The following OVCH1 variants were observed in gnomAD, a reference collection of about 807,000 sequenced individuals.
OVCH1 encodes ovochymase-1.
In OVCH1, 139 loss-of-function variants were observed where a neutral mutation model predicts 138.4. The ratio of observed to expected loss-of-function variants is 1.00; its 90% CI spans 0.87 to 1.16. The LOEUF is 1.16. Ranked by LOEUF, OVCH1 falls within the 50% of genes most tolerant of loss-of-function variation. OVCH1 has a pLI of 0.00. For missense variants in OVCH1, 1,367 were observed against 1,357.9 expected, an observed-to-expected ratio of 1.01 and a Z score of -0.11; for synonymous variants, 453 against 467.8, an observed-to-expected ratio of 0.97 and a Z score of 0.41.
At chr12:29,480,366 A>C (rs1942890790) in intron 8 of OVCH1, among the ~76,000 whole-genome samples, 1 of 152,202 alleles carries the variant, frequency 6.6e-6, no homozygotes, top group South Asian at 2.1e-4. Context: ...TATAAGTGGA[A>C]CTGTAGTTTA....
At chr12:29,402,251 G>A in the OVCH1 span, among the ~76,000 whole-genome samples, 1 of 152,096 alleles carries the variant, frequency 6.6e-6, no homozygotes, top group Non-Finnish European at 1.5e-5. Context: ...AGTAAAAATG[G>A]TACAAAACAG....
chr12:29,478,262 G>A (rs930146500), intron 9 of OVCH1, among the ~76,000 whole-genome samples: 2 of 152,192 alleles, frequency 1.3e-5, no homozygotes, highest in African/African-American at 4.8e-5. Flanking sequence ...ATCAAACAAT[G>A]TAAAGTTCAA....
chr12:29,465,868 C>T (rs1165579849), intron 16 of OVCH1, among the ~76,000 whole-genome samples: 3 of 151,806 alleles, frequency 2.0e-5, no homozygotes, highest in African/African-American at 7.3e-5. Flanking sequence ...CAATGATAGA[C>T]TGGATTAAGA....
chr12:29,447,726 A>G (rs1242190948), intron 22 of OVCH1, among the ~76,000 whole-genome samples: 1 of 152,002 alleles, frequency 6.6e-6, no homozygotes, highest in Admixed American at 6.6e-5. Context: ...GTAAATGAAG[A>G]TGGTTTCATA....
rs141014561 is a variant in OVCH1 at position 29,492,306 on chromosome 12, G to A, written c.455-1114C>T. ...GGGACAGTGGGAGGCCAGGATGACT[G>A]GAGCAGATTAAGTTAGTTTCATAAA... On this transcript the variant is annotated intron_variant, in intron 4 of 27. Coordinates refer to ENST00000318184, the Ensembl canonical transcript of OVCH1. 2.6e-4 allele frequency among the ~76,000 whole-genome samples: 37 copies of A among 143,926 alleles called. No homozygotes were observed. The East Asian group carries it at 6.1e-3, about 24-fold the overall frequency. The allele number at this position is 143,926 out of a possible 152,430, so 94.4% of individuals were successfully genotyped here. A position where few individuals can be genotyped will look rare whatever the true frequency, so the allele number is the denominator to read the frequency against.
At chr12:29,412,058 G>T (rs1158941466), downstream of OVCH1, among the ~76,000 whole-genome samples, 4 of 152,062 alleles carry the variant, frequency 2.6e-5, no homozygotes, top group Non-Finnish European at 4.4e-5. Flanking sequence ...TTTGATCTCA[G>T]ACTGCTGTGC....
At chr12:29,476,798 CACACACACAG>C (rs781274800) in intron 12 of OVCH1, among the ~76,000 whole-genome samples, 4,884 of 58,588 alleles carry the variant, frequency 0.083, 331 homozygotes, top group African/African-American at 0.18. Context: ...CACACACACA[CACACACACAG>C]GTTAGTAAAT....
At chr12:29,453,677 C>G (rs1941861381) in intron 21 of OVCH1, among the ~76,000 whole-genome samples, 1 of 152,094 alleles carries the variant, frequency 6.6e-6, no homozygotes, top group Non-Finnish European at 1.5e-5. Flanking sequence ...CTTACCCATC[C>G]TAAATTCCAA....
At chr12:29,420,842 A>G (rs1941093317) in intron 3 of OVCH1, among the ~76,000 whole-genome samples, 2 of 152,254 alleles carry the variant, frequency 1.3e-5, no homozygotes, top group Non-Finnish European at 2.9e-5. Flanking sequence ...ATGAAAAACT[A>G]TTAGTGGTAT....
rs780718298 is a variant in OVCH1, at chr12:29,475,093, C to T, written c.1568G>A (p.Gly523Asp). 7 of 1,581,600 alleles carry T rather than the reference C, an allele frequency of 4.4e-6. No individual in the cohort carries two copies. In the South Asian group the frequency reaches 6.9e-5, roughly 16 times the overall value. ...CAAAATGGTAAATCTGGCCTTGAAGCCTTGTAAACGATTTTTACCATCACT... is the reference window on the plus strand; with the variant it reads ...CAAAATGGTAAATCTGGCCTTGAAGTCTTGTAAACGATTTTTACCATCACT... Residue 523 changes from glycine (G) to aspartate (D), a missense_variant, in exon 14 of 28, where the codon GGC (glycine) becomes GAC (aspartate). Coordinates refer to ENST00000318184, the Ensembl canonical transcript of OVCH1.
At chr12:29,403,956 G>GT in the OVCH1 span, among the ~76,000 whole-genome samples, 2 of 152,170 alleles carry the variant, frequency 1.3e-5, no homozygotes, top group African/African-American at 2.4e-5. Flanking sequence ...GATTCAAACT[G>GT]TAAGTTCCCA....
chr12:29,473,335 C>T (rs1205471119), intron 14 of OVCH1, among the ~76,000 whole-genome samples: 1 of 152,104 alleles, frequency 6.6e-6, no homozygotes, highest in Non-Finnish European at 1.5e-5. Flanking sequence ...TGATATTAAT[C>T]TCATGGTTTT....
At chr12:29,403,649 T>C in the OVCH1 span, among the ~76,000 whole-genome samples, 1 of 152,124 alleles carries the variant, frequency 6.6e-6, no homozygotes, top group Non-Finnish European at 1.5e-5. Context: ...TTAAATACCT[T>C]ATAAACAAAT....
chr12:29,419,584 G>A (rs1382588158), intron 3 of OVCH1, among the ~76,000 whole-genome samples: 1 of 151,952 alleles, frequency 6.6e-6, no homozygotes, highest in East Asian at 1.9e-4. Context: ...ATGAGCCACT[G>A]CGCCTGGCCA....
intron 16 of OVCH1, among the ~76,000 whole-genome samples, chr12:29,470,495 C>T (rs953131921): frequency 3.3e-5 from 5 of 152,042 alleles, no homozygotes; most frequent in East Asian, 1.9e-4. Context: ...TGTGTTAGTT[C>T]GCTGAGAATG....
intron 15 of OVCH1, among the ~76,000 whole-genome samples, chr12:29,472,558 TTC>T (rs1039806884): frequency 6.6e-6 from 1 of 152,212 alleles, no homozygotes; most frequent in Non-Finnish European, 1.5e-5. Flanking sequence ...AGATATTTTC[TTC>T]TCTAATAGCT....
At chr12:29,487,722 A>G in exon 7 of OVCH1, 1 of 1,601,806 alleles carries the variant, frequency 6.2e-7, no homozygotes, top group Non-Finnish European at 8.5e-7. Flanking sequence ...GATAAAATCC[A>G]TCAACTCAGA....
downstream of OVCH1, chr12:29,427,560 A>C (rs1464674596): frequency 1.9e-6 from 3 of 1,551,232 alleles, no homozygotes; most frequent in Non-Finnish European, 2.6e-6. Context: ...CCCAGTGAGA[A>C]TGGGCTGTGC....
At chr12:29,465,320 A>C in intron 16 of OVCH1, 101 bp from the exon 17 acceptor site, 1 of 980,916 alleles carries the variant, frequency 1.0e-6, no homozygotes, top group South Asian at 1.8e-5. Context: ...AGTCTTTCTG[A>C]AGACGTTCTG....
Sources: allele counts gnomAD v4.1 joint callset (sites outside exome capture counted in the v4.1 genomes callset), GRCh38; gene constraint gnomAD v4.1.1; transcripts MANE v1.5; gene names NCBI Gene and HGNC (gene_info 2026-07-23, HGNC 2026-07-21).